The following AP5M1 variants were observed in gnomAD, a reference collection of about 807,000 sequenced individuals.
AP5M1 encodes the protein AP-5 complex subunit mu-1.
A neutral mutation model predicts 52.3 loss-of-function variants in AP5M1; 44 were observed. The ratio of observed to expected loss-of-function variants is 0.84; its 90% CI spans 0.66 to 1.08. The LOEUF is 1.08. AP5M1 is among the 50% of genes least tolerant of loss of function. The probability of loss-of-function intolerance (pLI) is 0.00; values close to 1 mark genes in which losing one functional copy is unlikely to be tolerated. For synonymous variants in AP5M1, 213 were observed against 199.0 expected, an observed-to-expected ratio of 1.07 and a Z score of -0.59; for missense variants, 526 against 568.4, an observed-to-expected ratio of 0.93 and a Z score of 0.76.
rs1428331249 is a variant in AP5M1 at position 57,291,905 on chromosome 14, A to C, written c.*3021A>C. ...GCCTTCTGTAGGGACTGCTGCCACA[A>C]CAGAGTGGTTGTTCCTAAGACAAAG... On this transcript the variant is annotated 3_prime_UTR_variant, in exon 8 of 8. Transcript: ENST00000261558. 6.6e-6 allele frequency: 1 copy of C among 151,798 alleles called. No homozygotes were observed. The highest frequency in any genetic ancestry group is 2.4e-5 in the African/African-American group (1 of 41,392). The allele number at this position is 151,798 out of a possible 1,614,324, so 9.4% of individuals were successfully genotyped here.
At chr14:57,279,355 A>G (rs772867282) in intron 2 of AP5M1, among the ~76,000 whole-genome samples, 4 of 152,228 alleles carry the variant, frequency 2.6e-5, no homozygotes, top group Non-Finnish European at 5.9e-5. Context: ...AGCCATAAAA[A>G]GGAATGAGAT....
Position 57,294,254 on chromosome 14 carries a change from G to A in AP5M1, c.*5370G>A, listed in dbSNP as rs188263424. The A allele has an allele frequency of 9.2e-4, 140 of 151,896 alleles. 1 individual carries two copies. The highest frequency in any genetic ancestry group is 3.2e-3 in the African/African-American group (133 of 41,520). 9.4% of individuals were successfully genotyped at this position (151,896 alleles called of 1,614,324 possible). On this transcript the variant is annotated 3_prime_UTR_variant, in exon 8 of 8. Coordinates refer to ENST00000261558, the MANE Select transcript of AP5M1 (RefSeq NM_018229.4). ...AACCACCTGCTGAATTTTTTTTCCA[G>A]TAGGATGTGAAATTTTGCACTTCTA...
At chr14:57,282,856 A>G (rs1885215811) in intron 4 of AP5M1, 78 bp from the exon 5 acceptor site, 1 of 894,058 alleles carries the variant, frequency 1.1e-6, no homozygotes. Flanking sequence ...ATTAAGTAAC[A>G]GTGGCCAAGT....
chr14:57,280,070 C>T, intron 2 of AP5M1, 125 bp from the exon 3 acceptor site: 1 of 739,258 alleles, frequency 1.4e-6, no homozygotes, highest in Non-Finnish European at 2.3e-6. Context: ...ACACAGAAAG[C>T]AAAGAGAACA....
In AP5M1 at chr14:57,296,528, G is replaced by A. The variant is rs138812226; in HGVS notation, c.*7644G>A. On this transcript the variant is annotated 3_prime_UTR_variant, in exon 8 of 8. Coordinates refer to ENST00000261558, the MANE Select transcript of AP5M1 (RefSeq NM_018229.4). ...TAATCTAAAATAAAGTAGATGCCAC[G>A]CTTCTAATTCTGCTTTTGCTAAGGC... 43 of 152,174 alleles carry A rather than the reference G, an allele frequency of 2.8e-4. No homozygotes were observed. Among genetic ancestry groups the A allele is most frequent in the East Asian group, 2.3e-3 (12 of 5,182 alleles). 9.4% of individuals were successfully genotyped at this position (152,174 alleles called of 1,614,324 possible).
At position 57,293,267 on chromosome 14, in the gene AP5M1, A is replaced by G. The variant is rs1251467731; in HGVS notation, c.*4383A>G. On this transcript the variant is annotated 3_prime_UTR_variant, in exon 8 of 8. Coordinates refer to ENST00000261558, the MANE Select transcript of AP5M1 (RefSeq NM_018229.4). ...AAAAAAGTATAGTGATTTGTTACAA[A>G]ATATGTTTTTAAAGATTAGATTTTG... 6.6e-6 allele frequency: 1 copy of G among 151,792 alleles called. No homozygotes were observed. The highest frequency in any genetic ancestry group is 1.5e-5 in the Non-Finnish European group (1 of 67,804). 9.4% of individuals were successfully genotyped at this position (151,792 alleles called of 1,614,324 possible). A position where few individuals can be genotyped will look rare whatever the true frequency, so the allele number is the denominator to read the frequency against.
Position 57,269,288 on chromosome 14 carries a change from A to T in AP5M1, c.-27A>T, listed in dbSNP as rs1201772763. The T allele has an allele frequency of 1.2e-6, 2 of 1,611,950 alleles. No individual in the cohort carries two copies. Among genetic ancestry groups the T allele is most frequent in the Non-Finnish European group, 1.7e-6 (2 of 1,178,600 alleles). The stretch of plus-strand genomic sequence containing the variant: ...CCTCGGTGGCGACCTTAATTATGAG[A>T]TGAGCTAATGCTTTACTGACTTAAC... On this transcript the variant is annotated 5_prime_UTR_variant, in exon 1 of 8. The change abolishes an upstream ATG in the 5' untranslated region. Transcript: ENST00000261558.
In AP5M1 at chr14:57,280,208, G is replaced by T. The variant is rs1230191656; in HGVS notation, c.734G>T (p.Gly245Val). The stretch of plus-strand genomic sequence containing the variant: ...TTTGCATTTCAGTGTGATTTGGAAG[G>T]AATCATGCCAAATGTTACCATCAGC... ...GTVTCKCDLE[G>V]IMPNVTISLS... The change falls in exon 3 of 8, where the codon GGA becomes GTA. Residue 245 changes from glycine to valine, a missense_variant. By Grantham distance (109) the Gly-to-Val change is moderately radical. Coordinates refer to ENST00000261558, the MANE Select transcript of AP5M1 (RefSeq NM_018229.4). 6.2e-7 allele frequency: 1 copy of T among 1,612,890 alleles called. No individual in the cohort carries two copies. Among genetic ancestry groups the T allele is most frequent in the South Asian group, 1.1e-5 (1 of 91,042 alleles).
chr14:57,274,850 A>G lies in AP5M1; in HGVS notation c.681A>G (p.Ile227Met). Residue 227 changes from isoleucine to methionine, a missense_variant, in exon 2 of 8, where the codon ATA becomes ATG. Ile to Met is a conservative substitution (Grantham distance 10, BLOSUM62 1). Coordinates refer to ENST00000261558, the MANE Select transcript of AP5M1 (RefSeq NM_018229.4). The stretch of plus-strand genomic sequence containing the variant: ...CCATGCAATATGATAAACAGGGTAT[A>G]GCAGATACATGGCAAGTTGTTGGAA... ...VKSMQYDKQG[I>M]ADTWQVVGTV... 1.9e-6 allele frequency: 3 copies of G among 1,614,234 alleles called. No individual in the cohort carries two copies. The highest frequency in any genetic ancestry group is 1.7e-6 in the Non-Finnish European group (2 of 1,180,040).
intron 2 of AP5M1, among the ~76,000 whole-genome samples, chr14:57,277,981 T>C (rs1056144633): frequency 2.0e-5 from 3 of 152,184 alleles, no homozygotes; most frequent in African/African-American, 7.2e-5. Flanking sequence ...CTAAGTGTTA[T>C]GCTTTGAGAG....
intron 2 of AP5M1, among the ~76,000 whole-genome samples, chr14:57,276,609 G>GTTT (rs34911527): frequency 7.8e-6 from 1 of 128,448 alleles, no homozygotes; most frequent in Non-Finnish European, 1.7e-5. Context: ...CACCAATTCT[G>GTTT]TTTTTTTTTT....
At chr14:57,285,543 A>G (rs530322618) in intron 6 of AP5M1, among the ~76,000 whole-genome samples, 6 of 152,322 alleles carry the variant, frequency 3.9e-5, no homozygotes, top group Non-Finnish European at 7.4e-5. Flanking sequence ...CAAAAGGAAA[A>G]AAAAAAATTG....
chr14:57,296,861 ACAGTTC>A lies in AP5M1; in HGVS notation c.*7980_*7985del, dbSNP rs1449114212. Reference sequence around the variant, plus strand: ...TCTGGGATTAGACAAAAGACAAAAAACAGTTCCATATTTTGAACGATATATTCTACC... The same window carrying A: ...TCTGGGATTAGACAAAAGACAAAAAACATATTTTGAACGATATATTCTACC... On this transcript the variant is annotated 3_prime_UTR_variant, in exon 8 of 8. Transcript: ENST00000261558. The A allele has an allele frequency of 6.6e-6, 1 of 152,024 alleles. No homozygotes were observed. The highest frequency in any genetic ancestry group is 2.4e-5 in the African/African-American group (1 of 41,414). 9.4% of individuals were successfully genotyped at this position (152,024 alleles called of 1,614,324 possible).
At chr14:57,273,811 A>C in intron 1 of AP5M1, 1 of 690,668 alleles carries the variant, frequency 1.4e-6, no homozygotes, top group Non-Finnish European at 2.6e-6. Flanking sequence ...ATCCAAAATT[A>C]TGGAGGGTTA....
rs902446490 is a variant in AP5M1 at position 57,293,100 on chromosome 14, G to A, written c.*4216G>A. 6.6e-6 allele frequency: 1 copy of A among 151,408 alleles called. No homozygotes were observed. Among genetic ancestry groups the A allele is most frequent in the African/African-American group, 2.4e-5 (1 of 41,288 alleles). The allele number at this position is 151,408 out of a possible 1,614,324, so 9.4% of individuals were successfully genotyped here. A position where few individuals can be genotyped will look rare whatever the true frequency, so the allele number is the denominator to read the frequency against. ...GAAATATTATATGGAATTTTGCACA[G>A]TATTTTGAGAAAGAAAAGGTAATGT... is the stretch of plus-strand genomic sequence containing the variant. On this transcript the variant is annotated 3_prime_UTR_variant, in exon 8 of 8. Coordinates refer to ENST00000261558, the MANE Select transcript of AP5M1 (RefSeq NM_018229.4).
rs1179487509 is a variant in AP5M1 at position 57,292,311 on chromosome 14, C to G, written c.*3427C>G. ...AAGGATTCAGTTGGTGATTAATCCC[C>G]CTTTGATCTAGGGTATTTCACTTAA... On this transcript the variant is annotated 3_prime_UTR_variant, in exon 8 of 8. Coordinates refer to ENST00000261558, the MANE Select transcript of AP5M1 (RefSeq NM_018229.4). 6.6e-6 allele frequency: 1 copy of G among 151,752 alleles called. No individual in the cohort carries two copies. Among genetic ancestry groups the G allele is most frequent in the East Asian group, 1.9e-4 (1 of 5,176 alleles). 9.4% of individuals were successfully genotyped at this position (151,752 alleles called of 1,614,324 possible). A position where few individuals can be genotyped will look rare whatever the true frequency, so the allele number is the denominator to read the frequency against.
intron 6 of AP5M1, among the ~76,000 whole-genome samples, chr14:57,285,157 A>C (rs182020249): frequency 6.8e-4 from 104 of 152,328 alleles, no homozygotes; most frequent in African/African-American, 2.4e-3. Flanking sequence ...AATTAGGGGA[A>C]GTGGTAGTGA....
rs1317180766 is a variant in AP5M1, at chr14:57,289,294, G to A, written c.*410G>A. On this transcript the variant is annotated 3_prime_UTR_variant, in exon 8 of 8. Transcript: ENST00000261558. ...TCAGAGATTCAGGCAGCCACTCCCA[G>A]TGGGTTGTAGATAATGTGCAAGATA... 1 of 153,840 alleles carries A rather than the reference G, an allele frequency of 6.5e-6. No individual in the cohort carries two copies. The highest frequency in any genetic ancestry group is 1.4e-5 in the Non-Finnish European group (1 of 69,434). The allele number at this position is 153,840 out of a possible 1,614,324, so 9.5% of individuals were successfully genotyped here. A position where few individuals can be genotyped will look rare whatever the true frequency, so the allele number is the denominator to read the frequency against.
intron 7 of AP5M1, 31 bp from the exon 8 acceptor site, chr14:57,288,771 C>G (rs780906035): frequency 2.2e-6 from 3 of 1,384,728 alleles, no homozygotes; most frequent in Non-Finnish European, 3.1e-6. Context: ...CTGAAATAGT[C>G]TTATCATTAA....
Sources: gnomAD v4.1 joint callset for allele counts (sites outside exome capture counted in the v4.1 genomes callset) on GRCh38, gnomAD v4.1.1 for gene constraint, MANE v1.5 for transcripts, NCBI Gene and HGNC (gene_info 2026-07-23, HGNC 2026-07-21) for gene names.